The following CIMIP6 variants were observed in gnomAD, a reference collection of about 807,000 sequenced individuals.
CIMIP6 encodes ciliary microtubule inner protein 6, also known as uncharacterized protein C2orf73.
chr2:54,346,874 T>C, the CIMIP6 span, among the ~76,000 whole-genome samples: 72 of 152,358 alleles, frequency 4.7e-4, 1 homozygote, highest in African/African-American at 1.7e-3. Flanking sequence ...TTCTCAACGT[T>C]CATAGAATAA....
At chr2:54,343,675 G>T in the CIMIP6 span, 1 of 1,441,296 alleles carries the variant, frequency 6.9e-7, no homozygotes, top group Non-Finnish European at 9.3e-7. Context: ...ACATGAAAAT[G>T]CCCTACAGTA....
At chr2:54,368,311 A>G in the CIMIP6 span, among the ~76,000 whole-genome samples, 10 of 152,232 alleles carry the variant, frequency 6.6e-5, no homozygotes, top group South Asian at 4.1e-4. Flanking sequence ...TAGATAGCCT[A>G]TGATGTCTGG....
the CIMIP6 span, chr2:54,343,714 A>G: frequency 2.3e-5 from 36 of 1,576,556 alleles, no homozygotes; most frequent in Non-Finnish European, 3.0e-5. Context: ...ATTATTTTCT[A>G]TAAAGGGTGA....
chr2:54,358,625 G>A, the CIMIP6 span, among the ~76,000 whole-genome samples: 51 of 152,168 alleles, frequency 3.4e-4, no homozygotes, highest in Non-Finnish European at 6.0e-4. Context: ...AAACTCCTGG[G>A]CTCAAGCAAT....
the CIMIP6 span, among the ~76,000 whole-genome samples, chr2:54,342,544 T>C: frequency 1.3e-5 from 2 of 152,156 alleles, no homozygotes; most frequent in East Asian, 3.9e-4. Flanking sequence ...TGTATATGTC[T>C]TTTATACATG....
At chr2:54,363,667 TAA>T in the CIMIP6 span, among the ~76,000 whole-genome samples, 111 of 152,196 alleles carry the variant, frequency 7.3e-4, no homozygotes, top group African/African-American at 2.5e-3. Context: ...TTTCTGATCA[TAA>T]GTTTCCCTGC....
At chr2:54,333,359 C>T in the CIMIP6 span, among the ~76,000 whole-genome samples, 2 of 152,110 alleles carry the variant, frequency 1.3e-5, no homozygotes, top group Admixed American at 6.5e-5. Context: ...ATATCCTGAG[C>T]CAGCTGTGCT....
At chr2:54,334,481 C>T in the CIMIP6 span, among the ~76,000 whole-genome samples, 1 of 152,150 alleles carries the variant, frequency 6.6e-6, no homozygotes, top group South Asian at 2.1e-4. Context: ...TTAACTATAG[C>T]GTGTAACTTA....
chr2:54,363,925 G>A, the CIMIP6 span, among the ~76,000 whole-genome samples: 1 of 152,214 alleles, frequency 6.6e-6, no homozygotes, highest in Admixed American at 6.5e-5. Flanking sequence ...ACATAATTTA[G>A]AGGAGAATGG....
chr2:54,378,760 C>T, the CIMIP6 span, among the ~76,000 whole-genome samples: 1 of 152,184 alleles, frequency 6.6e-6, no homozygotes, highest in Non-Finnish European at 1.5e-5. Flanking sequence ...TTAAATCAAA[C>T]TCCCTTTTCA....
At chr2:54,370,075 T>C in the CIMIP6 span, among the ~76,000 whole-genome samples, 1 of 152,026 alleles carries the variant, frequency 6.6e-6, no homozygotes, top group Admixed American at 6.6e-5. Flanking sequence ...ACCAACATGG[T>C]GAAACCCCAT....
At chr2:54,357,918 C>T in the CIMIP6 span, among the ~76,000 whole-genome samples, 2 of 151,958 alleles carry the variant, frequency 1.3e-5, no homozygotes, top group East Asian at 3.9e-4. Flanking sequence ...AATTTTTGTC[C>T]TTGATAGAAT....
chr2:54,367,953 G>A, the CIMIP6 span, among the ~76,000 whole-genome samples: 84 of 152,162 alleles, frequency 5.5e-4, no homozygotes, highest in African/African-American at 1.9e-3. Flanking sequence ...AACCTTATAG[G>A]TCACATAATT....
At chr2:54,331,450 T>G in the CIMIP6 span, among the ~76,000 whole-genome samples, 1 of 151,934 alleles carries the variant, frequency 6.6e-6, no homozygotes, top group African/African-American at 2.4e-5. Context: ...GAGCTATCCG[T>G]TTACAGCCCA....
chr2:54,370,957 T>TTCTGG, the CIMIP6 span, among the ~76,000 whole-genome samples: 1 of 152,232 alleles, frequency 6.6e-6, no homozygotes, highest in African/African-American at 2.4e-5. Flanking sequence ...GAATGGGAAC[T>TTCTGG]TCTGGTTGCT....
the CIMIP6 span, among the ~76,000 whole-genome samples, chr2:54,373,148 C>G: frequency 1.3e-5 from 2 of 152,136 alleles, no homozygotes; most frequent in African/African-American, 4.8e-5. Context: ...CCATCTCAGC[C>G]TTGCTTAAAA....
the CIMIP6 span, among the ~76,000 whole-genome samples, chr2:54,364,757 G>T: frequency 1.3e-5 from 2 of 152,144 alleles, no homozygotes; most frequent in Non-Finnish European, 2.9e-5. Context: ...ACTGCATTTT[G>T]GGATTTAAAA....
chr2:54,343,193 TAGTA>T, the CIMIP6 span, among the ~76,000 whole-genome samples: 3 of 152,170 alleles, frequency 2.0e-5, no homozygotes, highest in Admixed American at 1.3e-4. Context: ...ACACTGCATA[TAGTA>T]AGTATTTTGT....
At chr2:54,342,452 T>G in the CIMIP6 span, among the ~76,000 whole-genome samples, 3 of 152,136 alleles carry the variant, frequency 2.0e-5, no homozygotes, top group Non-Finnish European at 4.4e-5. Flanking sequence ...TTGTAAAATT[T>G]TATAAATTTA....
Sources: gnomAD v4.1 joint callset for allele counts (sites outside exome capture counted in the v4.1 genomes callset) on GRCh38, gnomAD v4.1.1 for gene constraint, MANE v1.5 for transcripts, NCBI Gene and HGNC (gene_info 2026-07-23, HGNC 2026-07-21) for gene names.